The following LEKR1 variants were observed in gnomAD, a reference collection of about 807,000 sequenced individuals.
The protein encoded by LEKR1 is protein LEKR1.
In LEKR1, 59 loss-of-function variants were observed where a neutral mutation model predicts 72.4. That is an observed-to-expected ratio of 0.82 (90% CI 0.66 to 1.01). LEKR1 has a LOEUF of 1.01. LEKR1 is among the 50% of genes least tolerant of loss of function. LEKR1 has a pLI of 0.00. For missense variants in LEKR1, 728 were observed against 759.2 expected (o/e 0.96, Z 0.48); for synonymous variants, 257 against 263.2 (o/e 0.98, Z 0.23).
chr3:157,011,574 G>A, intron 10 of LEKR1, 68 bp downstream of exon 10: 1 of 1,060,234 alleles, frequency 9.4e-7, no homozygotes, highest in Non-Finnish European at 1.5e-6. Context: ...CCATTTGTCA[G>A]AAGACTCTTC....
rs765706572 is a variant in LEKR1 at position 157,045,617 on chromosome 3, A to G, written c.1946A>G (p.Asp649Gly). The G allele has an allele frequency of 1.3e-5, 21 of 1,614,076 alleles. No individual in the cohort carries two copies. Among genetic ancestry groups the G allele is most frequent in the Non-Finnish European group, 1.7e-5 (20 of 1,180,042 alleles). Residue 649 changes from aspartate (D) to glycine (G), a missense_variant, in exon 13 of 13, where the codon GAT becomes GGT. Physicochemically the swap from Asp to Gly is moderately conservative, Grantham distance 94 (BLOSUM62 -1). Coordinates refer to ENST00000356539, the MANE Select transcript of LEKR1 (RefSeq NM_001004316.3). ...VSKPTTFPTS[D>G]KPKRVRSGVP... is the part of the protein sequence containing the mutation. The stretch of plus-strand genomic sequence containing the variant: ...AAACCCACCACTTTCCCAACCTCAG[A>G]TAAGCCGAAGAGGGTTAGATCAGGC...
chr3:157,020,981 G>T (rs373808848), intron 10 of LEKR1, among the ~76,000 whole-genome samples: 5,151 of 143,686 alleles, frequency 0.036, 152 homozygotes, highest in Non-Finnish European at 0.048. Flanking sequence ...CTAACTGGTG[G>T]GAGATGGTAT....
intron 9 of LEKR1, among the ~76,000 whole-genome samples, chr3:157,002,336 A>C (rs1182256491): frequency 6.6e-6 from 1 of 152,102 alleles, no homozygotes; most frequent in Non-Finnish European, 1.5e-5. Context: ...TTGGTTCTTC[A>C]TAGTTTTTTT....
intron 4 of LEKR1, 86 bp from the exon 5 acceptor site, chr3:156,927,343 A>T (rs1186206720): frequency 6.7e-6 from 3 of 445,636 alleles, no homozygotes; most frequent in African/African-American, 4.4e-5. Context: ...ACACTAGATT[A>T]TATGGTCACT....
At chr3:156,894,856 C>T (rs973573252) in intron 3 of LEKR1, among the ~76,000 whole-genome samples, 1 of 152,160 alleles carries the variant, frequency 6.6e-6, no homozygotes, top group Non-Finnish European at 1.5e-5. Context: ...AAGATTGAAA[C>T]TGGACCCTTT....
chr3:156,917,391 G>T (rs138714857), intron 3 of LEKR1, among the ~76,000 whole-genome samples: 186 of 152,148 alleles, frequency 1.2e-3, no homozygotes, highest in African/African-American at 4.3e-3. Context: ...CTCACCAAGT[G>T]CCCAGCACAG....
chr3:156,980,751 G>A (rs1044570406), intron 7 of LEKR1, among the ~76,000 whole-genome samples: 28 of 152,112 alleles, frequency 1.8e-4, no homozygotes, highest in Admixed American at 5.2e-4. Flanking sequence ...AAGCTAAGAG[G>A]GAATTTGTGG....
At chr3:156,945,283 T>C (rs1305828428) in intron 6 of LEKR1, among the ~76,000 whole-genome samples, 1 of 151,862 alleles carries the variant, frequency 6.6e-6, no homozygotes, top group Non-Finnish European at 1.5e-5. Context: ...TTTTTTCCTA[T>C]AGAGTTGTTT....
rs114404063 is a variant in LEKR1 at position 156,870,052 on chromosome 3, C to G, written c.263+17070C>G. Reference sequence around the variant, plus strand: ...TTATTTCTGGATTTTCTATGCTGTTCTCTTGGTCTATGTGTCTGTTTTTAT... The same window carrying G: ...TTATTTCTGGATTTTCTATGCTGTTGTCTTGGTCTATGTGTCTGTTTTTAT... On this transcript the variant is annotated intron_variant, in intron 3 of 12. Coordinates refer to ENST00000356539, the MANE Select transcript of LEKR1 (RefSeq NM_001004316.3). 5.0e-3 allele frequency among the ~76,000 whole-genome samples: 762 copies of G among 152,132 alleles called. 7 individuals are homozygous for G. The highest frequency in any genetic ancestry group is 0.017 in the African/African-American group (723 of 41,506).
At chr3:156,958,987 C>A (rs972912622) in intron 6 of LEKR1, among the ~76,000 whole-genome samples, 46 of 152,070 alleles carry the variant, frequency 3.0e-4, no homozygotes, top group African/African-American at 1.1e-3. Flanking sequence ...AATCTGCTTT[C>A]TTTTAAATGC....
intron 7 of LEKR1, among the ~76,000 whole-genome samples, chr3:156,983,877 G>A (rs1730447765): frequency 6.6e-6 from 1 of 152,106 alleles, no homozygotes; most frequent in South Asian, 2.1e-4. Context: ...TCTTAAGTCT[G>A]AGGATTCAAC....
intron 7 of LEKR1, among the ~76,000 whole-genome samples, chr3:156,981,362 T>C (rs753911871): frequency 1.3e-5 from 2 of 152,214 alleles, no homozygotes; most frequent in Non-Finnish European, 2.9e-5. Flanking sequence ...CAGGGTAGAC[T>C]GGAGATGCAG....
At chr3:156,840,469 G>A (rs1353215857) in intron 2 of LEKR1, among the ~76,000 whole-genome samples, 1 of 152,172 alleles carries the variant, frequency 6.6e-6, no homozygotes, top group Non-Finnish European at 1.5e-5. Context: ...GAAAAAGATT[G>A]ACTTAAATTG....
At chr3:156,925,964 G>A (rs924206010) in intron 4 of LEKR1, among the ~76,000 whole-genome samples, 24 of 151,876 alleles carry the variant, frequency 1.6e-4, no homozygotes, top group African/African-American at 2.7e-4. Flanking sequence ...TCAAATAAAA[G>A]CATTTATAAG....
chr3:156,856,262 AT>A (rs1368842371), intron 3 of LEKR1, among the ~76,000 whole-genome samples: 6 of 151,530 alleles, frequency 4.0e-5, no homozygotes, highest in Admixed American at 6.6e-5. Flanking sequence ...CCACCTATTA[AT>A]TTTTCTTCTA....
intron 3 of LEKR1, among the ~76,000 whole-genome samples, chr3:156,864,002 A>G (rs1717048066): frequency 6.6e-6 from 1 of 152,006 alleles, no homozygotes; most frequent in Non-Finnish European, 1.5e-5. Flanking sequence ...AGAAATCTTC[A>G]TGTGTTATTT....
intron 6 of LEKR1, among the ~76,000 whole-genome samples, chr3:156,971,131 C>T (rs1729144929): frequency 6.6e-6 from 1 of 152,122 alleles, no homozygotes; most frequent in Non-Finnish European, 1.5e-5. Flanking sequence ...GGTACTGGTA[C>T]TGAAATAGAG....
chr3:156,995,861 G>A (rs1024479028), intron 9 of LEKR1, among the ~76,000 whole-genome samples: 3 of 152,136 alleles, frequency 2.0e-5, no homozygotes, highest in African/African-American at 7.2e-5. Flanking sequence ...TTTTAAAAAT[G>A]TCCTTGTAGA....
At chr3:156,862,280 C>T (rs1170777071) in intron 3 of LEKR1, among the ~76,000 whole-genome samples, 1 of 151,920 alleles carries the variant, frequency 6.6e-6, no homozygotes, top group Non-Finnish European at 1.5e-5. Flanking sequence ...ATTATTTTTT[C>T]TATTCACCTT....
Sources: allele counts gnomAD v4.1 joint callset (sites outside exome capture counted in the v4.1 genomes callset), GRCh38; gene constraint gnomAD v4.1.1; transcripts MANE v1.5; gene names NCBI Gene and HGNC (gene_info 2026-07-23, HGNC 2026-07-21).